Variants in TNFAIP8 observed in about 807,000 individuals in gnomAD.
TNFAIP8 encodes the protein TNF alpha induced protein 8, also known as tumor necrosis factor alpha-induced protein 8.
TNFAIP8 carries 7 observed loss-of-function variants against 13.3 expected under a neutral mutation model. The observed-to-expected ratio is 0.52, with a 90% CI of 0.30 to 0.99. The LOEUF (loss-of-function observed/expected upper bound fraction) is 0.99, where lower values mean the gene tolerates loss of function less well. Among genes scored for constraint, TNFAIP8 ranks in the 50% least tolerant of loss-of-function variants. The probability of loss-of-function intolerance (pLI) is 0.07; values close to 1 mark genes in which losing one functional copy is unlikely to be tolerated. For synonymous variants in TNFAIP8, 94 were observed against 87.6 expected (o/e 1.07, Z -0.41); for missense variants, 258 against 236.9 (o/e 1.09, Z -0.58).
chr5:119,309,407 T>C (rs1196797519), intron 1 of TNFAIP8, among the ~76,000 whole-genome samples: 1 of 152,204 alleles, frequency 6.6e-6, no homozygotes, highest in East Asian at 1.9e-4. Flanking sequence ...TTCTGGACCC[T>C]TTTGAGAATC....
At chr5:119,351,508 G>GT (rs1751142595), upstream of TNFAIP8, among the ~76,000 whole-genome samples, 1 of 152,126 alleles carries the variant, frequency 6.6e-6, no homozygotes, top group Admixed American at 6.5e-5. Context: ...GTAGGCTAAT[G>GT]TAAGTGTTCC....
chr5:119,326,814 A>G (rs1422517574), intron 1 of TNFAIP8, among the ~76,000 whole-genome samples: 1 of 152,168 alleles, frequency 6.6e-6, no homozygotes, highest in Non-Finnish European at 1.5e-5. Flanking sequence ...CCACGATGAC[A>G]CTGAGCCAGA....
chr5:119,273,106 G>A (rs1229824680), intron 1 of TNFAIP8, among the ~76,000 whole-genome samples: 3 of 152,244 alleles, frequency 2.0e-5, no homozygotes, highest in South Asian at 2.1e-4. Flanking sequence ...AGCAGCTCAT[G>A]TCTCAGCCCC....
At chr5:119,331,167 CT>C (rs1287064782) in intron 1 of TNFAIP8, among the ~76,000 whole-genome samples, 1 of 151,726 alleles carries the variant, frequency 6.6e-6, no homozygotes, top group East Asian at 1.9e-4. Flanking sequence ...CCTAGAGTGT[CT>C]TAATTCACAA....
At chr5:119,371,479 T>G (rs1217984973) in intron 1 of TNFAIP8, among the ~76,000 whole-genome samples, 4 of 152,202 alleles carry the variant, frequency 2.6e-5, no homozygotes, top group African/African-American at 9.6e-5. Context: ...CTCACCGTTC[T>G]TTTCCAAGCA....
intron 1 of TNFAIP8, among the ~76,000 whole-genome samples, chr5:119,277,343 G>A (rs148591159): frequency 4.7e-4 from 72 of 152,164 alleles, no homozygotes; most frequent in African/African-American, 1.4e-3. Flanking sequence ...AGAAAAATAC[G>A]CATTTACTGT....
intron 1 of TNFAIP8, among the ~76,000 whole-genome samples, chr5:119,305,315 A>G (rs540489621): frequency 2.0e-5 from 3 of 152,220 alleles, no homozygotes; most frequent in Admixed American, 6.5e-5. Context: ...CTAGTTCTCA[A>G]GGAGGAGATG....
At position 119,399,613 on chromosome 5, in the gene TNFAIP8, T is replaced by C. The variant is rs752427212; in HGVS notation, c.*6232T>C. ...TTTAGGAAAATTGTTTTGGGTTGCA[T>C]TGTTGAAAGTAATGATTTCTAGCAG... On this transcript the variant is annotated 3_prime_UTR_variant, in exon 2 of 2. Transcript: ENST00000504771. 9.2e-5 allele frequency: 14 copies of C among 152,328 alleles called. No individual in the cohort carries two copies. The highest frequency in any genetic ancestry group is 1.5e-4 in the Non-Finnish European group (10 of 68,024). 9.4% of individuals were successfully genotyped at this position (152,328 alleles called of 1,614,324 possible). A position where few individuals can be genotyped will look rare whatever the true frequency, so the allele number is the denominator to read the frequency against.
chr5:119,289,384 C>G (rs1274091954), intron 1 of TNFAIP8, among the ~76,000 whole-genome samples: 1 of 152,148 alleles, frequency 6.6e-6, no homozygotes, highest in African/African-American at 2.4e-5. Flanking sequence ...CACTGGATCC[C>G]AAGAAGACCT....
intron 1 of TNFAIP8, among the ~76,000 whole-genome samples, chr5:119,297,301 T>C (rs536705640): frequency 1.4e-3 from 210 of 152,170 alleles, no homozygotes; most frequent in Admixed American, 7.7e-3. Context: ...TTCTGGTATG[T>C]TGTGTCTTTG....
upstream of TNFAIP8, among the ~76,000 whole-genome samples, chr5:119,351,559 G>A (rs1409063916): frequency 1.3e-5 from 2 of 152,114 alleles, no homozygotes; most frequent in South Asian, 2.1e-4. Flanking sequence ...ATGGTGTTGA[G>A]TATGTTAGGT....
intron 1 of TNFAIP8, among the ~76,000 whole-genome samples, chr5:119,307,917 T>TA (rs1749615270): frequency 6.6e-6 from 1 of 152,202 alleles, no homozygotes; most frequent in Non-Finnish European, 1.5e-5. Context: ...TAGCTAGTAC[T>TA]GTCCTTTGGA....
At chr5:119,320,916 AC>A (rs143113910) in intron 1 of TNFAIP8, among the ~76,000 whole-genome samples, 8,438 of 152,054 alleles carry the variant, frequency 0.055, 619 homozygotes, top group African/African-American at 0.17. Context: ...AAAACAAAAA[AC>A]TAAAAAAGAC....
At chr5:119,354,894 T>G (rs1751321210), upstream of TNFAIP8, 1 of 157,492 alleles carries the variant, frequency 6.3e-6, no homozygotes, top group Non-Finnish European at 1.4e-5. Context: ...AAAATAAATT[T>G]GTCAAAAGAG....
chr5:119,342,387 G>A (rs1227463256), intron 1 of TNFAIP8, among the ~76,000 whole-genome samples: 1 of 152,186 alleles, frequency 6.6e-6, no homozygotes, highest in Non-Finnish European at 1.5e-5. Flanking sequence ...GAAAATTCTT[G>A]CAAATGTGTT....
At chr5:119,387,545 G>A (rs1421292803) in intron 1 of TNFAIP8, among the ~76,000 whole-genome samples, 1 of 152,208 alleles carries the variant, frequency 6.6e-6, no homozygotes, top group African/African-American at 2.4e-5. Context: ...AAAATTCTCA[G>A]TGGGAGTAGT....
At chr5:119,279,466 G>A (rs1581564089) in intron 1 of TNFAIP8, among the ~76,000 whole-genome samples, 1 of 152,344 alleles carries the variant, frequency 6.6e-6, no homozygotes, top group Non-Finnish European at 1.5e-5. Flanking sequence ...ACCTCATGGA[G>A]TGTGAGATGT....
intron 1 of TNFAIP8, among the ~76,000 whole-genome samples, chr5:119,326,286 C>T (rs749637897): frequency 4.6e-5 from 7 of 152,166 alleles, no homozygotes; most frequent in African/African-American, 1.7e-4. Flanking sequence ...GTGGGAAATG[C>T]TGTAAGTGTC....
At position 119,397,522 on chromosome 5, in the gene TNFAIP8, A is replaced by G. The variant is rs182580647; in HGVS notation, c.*4141A>G. The stretch of plus-strand genomic sequence containing the variant: ...TACTTGATATATTGCATTCTTGAGC[A>G]TTAGGCTTCTAGGTGATTTGTTAAA... On this transcript the variant is annotated 3_prime_UTR_variant, in exon 2 of 2. Coordinates refer to ENST00000504771, the MANE Select transcript of TNFAIP8 (RefSeq NM_014350.4). 1.3e-4 allele frequency: 20 copies of G among 152,344 alleles called. No individual in the cohort carries two copies. In the East Asian group the frequency reaches 1.3e-3, roughly 10 times the overall value. The allele number at this position is 152,344 out of a possible 1,614,324, so 9.4% of individuals were successfully genotyped here.
Sources: gnomAD v4.1 joint callset for allele counts (sites outside exome capture counted in the v4.1 genomes callset) on GRCh38, gnomAD v4.1.1 for gene constraint, MANE v1.5 for transcripts, NCBI Gene and HGNC (gene_info 2026-07-23, HGNC 2026-07-21) for gene names.